The following KLHL1 variants were observed in gnomAD, a reference collection of about 807,000 sequenced individuals.
KLHL1 encodes kelch-like protein 1.
A neutral mutation model predicts 77.7 loss-of-function variants in KLHL1; 47 were observed. The ratio of observed to expected loss-of-function variants is 0.60; its 90% CI spans 0.48 to 0.77. KLHL1 has a LOEUF of 0.77. Among genes scored for constraint, KLHL1 ranks in the 30% least tolerant of loss-of-function variants. The pLI, the probability that KLHL1 is intolerant of heterozygous loss-of-function variation, is 0.00. For missense variants in KLHL1, 925 were observed against 910.8 expected (o/e 1.02, Z -0.20); for synonymous variants, 360 against 325.2 (o/e 1.11, Z -1.15).
At chr13:70,028,495 A>G (rs1268238109) in intron 1 of KLHL1, among the ~76,000 whole-genome samples, 1 of 152,146 alleles carries the variant, frequency 6.6e-6, no homozygotes. Flanking sequence ...ACGGCAATTC[A>G]AAATGTGACA....
At chr13:69,785,077 A>G (rs1199771049) in intron 7 of KLHL1, among the ~76,000 whole-genome samples, 2 of 151,094 alleles carry the variant, frequency 1.3e-5, no homozygotes, top group Non-Finnish European at 2.9e-5. Context: ...TATTTTTAGT[A>G]GAGACGGGGT....
intron 1 of KLHL1, among the ~76,000 whole-genome samples, chr13:70,048,107 G>A (rs1410002248): frequency 1.3e-5 from 2 of 152,186 alleles, no homozygotes; most frequent in Non-Finnish European, 2.9e-5. Flanking sequence ...CTGTCTGAAG[G>A]AAAATCTTAA....
chr13:69,705,498 T>C (rs17787264), intron 10 of KLHL1, among the ~76,000 whole-genome samples: 13,068 of 151,712 alleles, frequency 0.086, 692 homozygotes, highest in Non-Finnish European at 0.1. Flanking sequence ...GAATAACCAA[T>C]TTAGTCCACT....
At chr13:69,888,772 T>C (rs1382790111) in intron 4 of KLHL1, among the ~76,000 whole-genome samples, 1 of 152,110 alleles carries the variant, frequency 6.6e-6, no homozygotes, top group Non-Finnish European at 1.5e-5. Flanking sequence ...GTACAGCAGA[T>C]CTAGGAAACT....
intron 1 of KLHL1, among the ~76,000 whole-genome samples, chr13:70,086,176 G>A (rs74093242): frequency 6.6e-6 from 1 of 152,128 alleles, no homozygotes; most frequent in African/African-American, 2.4e-5. Flanking sequence ...GAACAACATG[G>A]AGTGTCAGGA....
At chr13:69,939,092 A>T (rs1056293891) in intron 4 of KLHL1, among the ~76,000 whole-genome samples, 1 of 151,470 alleles carries the variant, frequency 6.6e-6, no homozygotes, top group African/African-American at 2.4e-5. Flanking sequence ...CAGTAAAAAT[A>T]GGTAGCATTG....
chr13:69,836,195 G>C (rs1343575567), intron 6 of KLHL1, among the ~76,000 whole-genome samples: 1 of 152,026 alleles, frequency 6.6e-6, no homozygotes, highest in Non-Finnish European at 1.5e-5. Context: ...TGTGGGCTGA[G>C]GCCTCTGGGC....
At chr13:69,736,989 C>A (rs985719603) in intron 8 of KLHL1, among the ~76,000 whole-genome samples, 1 of 152,030 alleles carries the variant, frequency 6.6e-6, no homozygotes, top group East Asian at 1.9e-4. Context: ...ATTGAGGTAC[C>A]AATTTTCTCT....
chr13:70,051,720 A>T (rs997518541), intron 1 of KLHL1, among the ~76,000 whole-genome samples: 2 of 152,016 alleles, frequency 1.3e-5, no homozygotes, highest in African/African-American at 4.8e-5. Context: ...GGATGACTCA[A>T]TTATATTGTG....
At chr13:69,724,475 C>T (rs1873210270) in intron 8 of KLHL1, among the ~76,000 whole-genome samples, 1 of 152,074 alleles carries the variant, frequency 6.6e-6, no homozygotes. Context: ...GAAGACAGAA[C>T]ACTTCTGAAC....
At chr13:69,837,643 T>TACAC (rs1423996194) in intron 6 of KLHL1, among the ~76,000 whole-genome samples, 1 of 131,044 alleles carries the variant, frequency 7.6e-6, no homozygotes, top group African/African-American at 3.3e-5. Context: ...TATATATATA[T>TACAC]GTGTATATAT....
chr13:69,885,341 G>A (rs1398968729), intron 4 of KLHL1, among the ~76,000 whole-genome samples: 2 of 151,908 alleles, frequency 1.3e-5, no homozygotes, highest in Non-Finnish European at 2.9e-5. Context: ...GGCGTTGTTT[G>A]TACAAACTGC....
chr13:69,811,121 G>A (rs1242907484), intron 6 of KLHL1, among the ~76,000 whole-genome samples: 1 of 151,842 alleles, frequency 6.6e-6, no homozygotes, highest in Admixed American at 6.6e-5. Context: ...ACTCATTTTG[G>A]GAAACCCATG....
At chr13:69,868,432 G>A (rs74544784) in intron 5 of KLHL1, among the ~76,000 whole-genome samples, 8,958 of 151,830 alleles carry the variant, frequency 0.059, 290 homozygotes, top group African/African-American at 0.083. Context: ...TTTAGATGAT[G>A]GTGATAATGA....
intron 7 of KLHL1, among the ~76,000 whole-genome samples, chr13:69,764,366 G>T (rs971669930): frequency 6.6e-6 from 1 of 152,036 alleles, no homozygotes; most frequent in Admixed American, 6.6e-5. Flanking sequence ...CCACATGGCA[G>T]AATTGCTCTG....
intron 4 of KLHL1, among the ~76,000 whole-genome samples, chr13:69,932,127 A>T (rs570492997): frequency 6.6e-6 from 1 of 151,784 alleles, no homozygotes; most frequent in Non-Finnish European, 1.5e-5. Context: ...AAAATGAGAC[A>T]GGTGCTATAC....
In KLHL1 at chr13:70,089,998, T is replaced by G. The variant is rs186853097; in HGVS notation, c.497+17205A>C. On this transcript the variant is annotated intron_variant, in intron 1 of 10. Coordinates refer to ENST00000377844, the MANE Select transcript of KLHL1 (RefSeq NM_020866.3). Reference sequence around the variant, plus strand: ...AACCCCATTCATATTTTTACTGGCTTAATCTCCTCTGAAAAGCCCATTTAA... The same window carrying G: ...AACCCCATTCATATTTTTACTGGCTGAATCTCCTCTGAAAAGCCCATTTAA... 1.9e-3 allele frequency among the ~76,000 whole-genome samples: 279 copies of G among 148,480 alleles called. 1 individual carries two copies. Among genetic ancestry groups the G allele is most frequent in the African/African-American group, 7.0e-3 (271 of 38,762 alleles).
intron 6 of KLHL1, among the ~76,000 whole-genome samples, chr13:69,822,637 C>T (rs1042774569): frequency 6.6e-6 from 1 of 152,022 alleles, no homozygotes; most frequent in Non-Finnish European, 1.5e-5. Context: ...GAGACACTTA[C>T]AAAAATATTA....
intron 8 of KLHL1, among the ~76,000 whole-genome samples, chr13:69,727,552 T>C (rs568838184): frequency 6.6e-5 from 10 of 152,140 alleles, no homozygotes; most frequent in East Asian, 5.8e-4. Context: ...GTAAGGCAAG[T>C]GTCAAGAAAA....
Sources: gnomAD v4.1 joint callset for allele counts (sites outside exome capture counted in the v4.1 genomes callset) on GRCh38, gnomAD v4.1.1 for gene constraint, MANE v1.5 for transcripts, NCBI Gene and HGNC (gene_info 2026-07-23, HGNC 2026-07-21) for gene names.